ZNF385B: variants seen among roughly 807,000 people sequenced by gnomAD.
ZNF385B encodes the protein zinc finger protein 385B.
In ZNF385B, 23 loss-of-function variants were observed where a neutral mutation model predicts 39.2. The ratio of observed to expected loss-of-function variants is 0.59; its 90% CI spans 0.42 to 0.83. The LOEUF (loss-of-function observed/expected upper bound fraction) is 0.83. Ranked by LOEUF, ZNF385B falls within the 40% of genes least tolerant of loss-of-function variation. The probability of loss-of-function intolerance (pLI) is 0.00; values close to 1 mark genes in which losing one functional copy is unlikely to be tolerated. For missense variants in ZNF385B, 552 were observed against 598.9 expected (o/e 0.92, Z 0.82); for synonymous variants, 205 against 222.6 (o/e 0.92, Z 0.70).
intron 1 of ZNF385B, among the ~76,000 whole-genome samples, chr2:179,800,414 G>C (rs1249401234): frequency 6.6e-6 from 1 of 151,940 alleles, no homozygotes; most frequent in Non-Finnish European, 1.5e-5. Context: ...TATGAGCTCT[G>C]AACATGATTT....
intron 3 of ZNF385B, among the ~76,000 whole-genome samples, chr2:179,642,208 C>T (rs1559020797): frequency 6.6e-6 from 1 of 152,176 alleles, no homozygotes; most frequent in Admixed American, 6.6e-5. Context: ...ATCATTTGGT[C>T]TTGTCTTCTA....
In ZNF385B at chr2:179,608,606, G is replaced by A. The variant is rs184647963; in HGVS notation, c.299-63637C>T. 1.5e-3 allele frequency among the ~76,000 whole-genome samples: 228 copies of A among 152,044 alleles called. 1 individual carries two copies. Among genetic ancestry groups the A allele is most frequent in the African/African-American group, 5.2e-3 (215 of 41,472 alleles). On this transcript the variant is annotated intron_variant, in intron 3 of 9. Transcript: ENST00000410066. ...ATCAGAATTTTAATCTTTACCTCAGGCTCTTTTCTAGAACAGCGATTCTCA... is the reference window on the plus strand; with the variant it reads ...ATCAGAATTTTAATCTTTACCTCAGACTCTTTTCTAGAACAGCGATTCTCA...
intron 5 of ZNF385B, among the ~76,000 whole-genome samples, chr2:179,512,466 C>A (rs1380875014): frequency 2.6e-5 from 4 of 152,092 alleles, no homozygotes; most frequent in Non-Finnish European, 5.9e-5. Flanking sequence ...TTCAACTTAG[C>A]CAAAATGAGA....
At chr2:179,605,047 A>G (rs1220366009) in intron 3 of ZNF385B, among the ~76,000 whole-genome samples, 1 of 152,128 alleles carries the variant, frequency 6.6e-6, no homozygotes, top group Non-Finnish European at 1.5e-5. Context: ...CTTTAATATA[A>G]TAACGTCTGT....
At chr2:179,684,213 A>G (rs1697752152) in intron 3 of ZNF385B, among the ~76,000 whole-genome samples, 1 of 152,214 alleles carries the variant, frequency 6.6e-6, no homozygotes, top group East Asian at 1.9e-4. Flanking sequence ...ATCATTCTCA[A>G]TGTGTGTTCT....
intron 6 of ZNF385B, among the ~76,000 whole-genome samples, chr2:179,482,502 A>G (rs80324477): frequency 1.1e-3 from 158 of 148,010 alleles, no homozygotes; most frequent in African/African-American, 3.8e-3. Context: ...CATGGTATCC[A>G]TGCTACAAAA....
At chr2:179,500,399 A>G (rs776614951) in intron 5 of ZNF385B, among the ~76,000 whole-genome samples, 7 of 152,124 alleles carry the variant, frequency 4.6e-5, no homozygotes, top group Non-Finnish European at 5.9e-5. Flanking sequence ...ACAAGCAGAT[A>G]TATAGACTAA....
At chr2:179,819,052 C>T (rs1180319761) in intron 1 of ZNF385B, among the ~76,000 whole-genome samples, 1 of 151,624 alleles carries the variant, frequency 6.6e-6, no homozygotes, top group East Asian at 1.9e-4. Context: ...CACACACACA[C>T]ACACACACAC....
chr2:179,748,731 G>A (rs752703062), intron 3 of ZNF385B, among the ~76,000 whole-genome samples: 2 of 152,088 alleles, frequency 1.3e-5, no homozygotes, highest in African/African-American at 2.4e-5. Context: ...TTTGCTTGGA[G>A]TCTTTCTTAT....
intron 3 of ZNF385B, among the ~76,000 whole-genome samples, chr2:179,747,737 A>G (rs1702464186): frequency 1.3e-5 from 2 of 152,090 alleles, no homozygotes; most frequent in Admixed American, 1.3e-4. Flanking sequence ...CAGAATTCAA[A>G]CGTTTTCAGA....
At chr2:179,574,171 A>T (rs1685546239) in intron 3 of ZNF385B, among the ~76,000 whole-genome samples, 1 of 152,148 alleles carries the variant, frequency 6.6e-6, no homozygotes, top group East Asian at 1.9e-4. Flanking sequence ...AGGGGTTTGA[A>T]TCCTGCACAT....
At chr2:179,561,090 C>T (rs1029227320) in intron 3 of ZNF385B, among the ~76,000 whole-genome samples, 1 of 152,206 alleles carries the variant, frequency 6.6e-6, no homozygotes, top group Non-Finnish European at 1.5e-5. Flanking sequence ...TATACCATTT[C>T]ATTGGACAGC....
chr2:179,629,800 A>G (rs926840730), intron 3 of ZNF385B, among the ~76,000 whole-genome samples: 6 of 152,164 alleles, frequency 3.9e-5, no homozygotes, highest in Non-Finnish European at 7.4e-5. Context: ...GAAAAACAGG[A>G]CACTCCTGCC....
At chr2:179,781,041 C>T (rs1170419079) in intron 1 of ZNF385B, among the ~76,000 whole-genome samples, 1 of 152,166 alleles carries the variant, frequency 6.6e-6, no homozygotes, top group African/African-American at 2.4e-5. Flanking sequence ...TTTGCATTTT[C>T]ATATTACAAA....
chr2:179,497,179 C>T (rs910283050), intron 5 of ZNF385B, among the ~76,000 whole-genome samples: 1 of 152,112 alleles, frequency 6.6e-6, no homozygotes, highest in African/African-American at 2.4e-5. Context: ...AAGAAAAGGA[C>T]ATTGATGAAC....
chr2:179,579,195 G>A (rs1241801136), intron 3 of ZNF385B, among the ~76,000 whole-genome samples: 1 of 152,064 alleles, frequency 6.6e-6, no homozygotes, highest in Non-Finnish European at 1.5e-5. Flanking sequence ...GGCTAATGTG[G>A]AGAAAAACTG....
chr2:179,576,674 C>T (rs964747990), intron 3 of ZNF385B, among the ~76,000 whole-genome samples: 5 of 152,126 alleles, frequency 3.3e-5, no homozygotes, highest in Non-Finnish European at 7.4e-5. Flanking sequence ...TAATGACTAA[C>T]AAATTTGAAC....
chr2:179,718,281 T>C (rs1356317946), intron 3 of ZNF385B, among the ~76,000 whole-genome samples: 2 of 150,920 alleles, frequency 1.3e-5, no homozygotes, highest in Non-Finnish European at 3.0e-5. Flanking sequence ...GAATTTTAAA[T>C]ACTGGGTCTT....
chr2:179,483,350 C>A lies in ZNF385B; in HGVS notation c.637G>T (p.Val213Phe), dbSNP rs746304598. The A allele has an allele frequency of 3.7e-6, 6 of 1,613,944 alleles. No homozygotes were observed. Among genetic ancestry groups the A allele is most frequent in the South Asian group, 2.2e-5 (2 of 91,082 alleles). Residue 213 changes from valine (V) to phenylalanine (F), a missense_variant, in exon 6 of 10, where the codon GTT (valine) becomes TTT (phenylalanine). Val to Phe is a conservative substitution (Grantham distance 50, BLOSUM62 -1). Transcript: ENST00000410066. The stretch of plus-strand genomic sequence containing the variant: ...GCCTTTGCGCTGTCCTTGGAAGGAA[C>A]CATTTTGGGTTTATTTTTCGTTGCG... ...LDATKNKPKM[V>F]PSKDSAKANP...
Sources: allele counts gnomAD v4.1 joint callset (sites outside exome capture counted in the v4.1 genomes callset), GRCh38; gene constraint gnomAD v4.1.1; transcripts MANE v1.5; gene names NCBI Gene and HGNC (gene_info 2026-07-23, HGNC 2026-07-21).